NUP93: variants seen among roughly 807,000 people sequenced by gnomAD.
NUP93 encodes nucleoporin 93.
NUP93 carries 55 observed loss-of-function variants against 107.8 expected under a neutral mutation model. That is an observed-to-expected ratio of 0.51 (90% CI 0.41 to 0.64). The LOEUF is 0.64. Among genes scored for constraint, NUP93 ranks in the 30% least tolerant of loss-of-function variants. NUP93 has a pLI of 0.00. For synonymous variants in NUP93, 390 were observed against 397.5 expected (o/e 0.98, Z 0.22); for missense variants, 937 against 1,044.7 (o/e 0.90, Z 1.42).
intron 2 of NUP93, among the ~76,000 whole-genome samples, chr16:56,754,029 G>T (rs563669573): frequency 6.6e-6 from 1 of 151,504 alleles, no homozygotes; most frequent in Non-Finnish European, 1.5e-5. Context: ...TTCACAGGGC[G>T]TACAGGAAGC....
At chr16:56,822,678 G>A (rs188545111) in intron 7 of NUP93, among the ~76,000 whole-genome samples, 49 of 149,952 alleles carry the variant, frequency 3.3e-4, no homozygotes, top group Non-Finnish European at 5.9e-4. Context: ...CTCCTACCTC[G>A]GCCTCCCGAG....
At chr16:56,731,425 A>G (rs1172328593) in intron 1 of NUP93, among the ~76,000 whole-genome samples, 1 of 148,210 alleles carries the variant, frequency 6.7e-6, no homozygotes, top group African/African-American at 2.5e-5. Flanking sequence ...CTTTTGAGAC[A>G]GTCTCCCTCG....
At chr16:56,781,899 G>T in intron 3 of NUP93, 1 of 985,326 alleles carries the variant, frequency 1.0e-6, no homozygotes, top group Non-Finnish European at 1.2e-6. Flanking sequence ...CACAACGAAT[G>T]GTGATGCTGT....
Position 56,834,136 on chromosome 16 carries a change from G to A in NUP93, c.1546G>A (p.Glu516Lys), listed in dbSNP as rs1025198458. 9.9e-6 allele frequency: 16 copies of A among 1,614,016 alleles called. No homozygotes were observed. The highest frequency in any genetic ancestry group is 6.7e-5 in the East Asian group (3 of 44,882). The change falls in exon 14 of 22, where the codon GAG (glutamate) becomes AAG (lysine). Residue 516 changes from glutamate (E) to lysine (K), a missense_variant. Transcript: ENST00000308159. ...TGACCCCCACAATGCAGTCAGCCAC[G>A]AGCCTGGTGACCCTCCTTGCTTGCG... ...SGQSAQLLSHEPGDPPCLRRL... is the reference protein window; with the variant it reads ...SGQSAQLLSHKPGDPPCLRRL...
At chr16:56,777,087 C>G (rs879337180) in intron 3 of NUP93, among the ~76,000 whole-genome samples, 1 of 152,196 alleles carries the variant, frequency 6.6e-6, no homozygotes, top group East Asian at 1.9e-4. Context: ...AGGAAAAGAG[C>G]CTTTCCCATT....
chr16:56,838,921 T>C, intron 18 of NUP93, 31 bp from the exon 19 acceptor site: 1 of 1,480,206 alleles, frequency 6.8e-7, no homozygotes, highest in Non-Finnish European at 9.4e-7. Context: ...TGATACACTC[T>C]TACTACCCCC....
At chr16:56,764,560 T>G (rs1468941015) in intron 3 of NUP93, among the ~76,000 whole-genome samples, 1 of 152,206 alleles carries the variant, frequency 6.6e-6, no homozygotes, top group African/African-American at 2.4e-5. Flanking sequence ...ATTTTTATAG[T>G]CTATCTTTTA....
At chr16:56,830,214 A>G (rs1187268272) in intron 9 of NUP93, among the ~76,000 whole-genome samples, 1 of 152,194 alleles carries the variant, frequency 6.6e-6, no homozygotes, top group Admixed American at 6.5e-5. Context: ...CCCAGTTACT[A>G]TGGGCCCCTG....
chr16:56,809,724 C>T (rs1480042873), intron 5 of NUP93, among the ~76,000 whole-genome samples: 1 of 152,086 alleles, frequency 6.6e-6, no homozygotes, highest in South Asian at 2.1e-4. Context: ...CTGGTTTGTT[C>T]CTGATTTAAA....
chr16:56,838,841 A>G (rs1380312064), intron 18 of NUP93, 111 bp from the exon 19 acceptor site: 8 of 759,512 alleles, frequency 1.1e-5, no homozygotes, highest in Admixed American at 2.2e-5. Flanking sequence ...CTGAGATTAC[A>G]GGCATGAGCG....
intron 3 of NUP93, among the ~76,000 whole-genome samples, chr16:56,792,870 C>T (rs540596268): frequency 6.6e-6 from 1 of 152,142 alleles, no homozygotes; most frequent in African/African-American, 2.4e-5. Context: ...TTTACTCTTC[C>T]CTAAGTATCT....
At chr16:56,755,607 C>CG (rs1962004295) in intron 2 of NUP93, among the ~76,000 whole-genome samples, 1 of 152,010 alleles carries the variant, frequency 6.6e-6, no homozygotes, top group Non-Finnish European at 1.5e-5. Context: ...CAGGCATGGT[C>CG]GCTCACGCCT....
At chr16:56,758,398 T>A (rs1962065277) in intron 2 of NUP93, 140 bp from the exon 3 acceptor site, 1 of 654,360 alleles carries the variant, frequency 1.5e-6, no homozygotes, top group South Asian at 1.7e-5. Context: ...ATAAAACAAC[T>A]ATGTAAAAGT....
chr16:56,811,423 C>T (rs1451491552), intron 5 of NUP93, among the ~76,000 whole-genome samples: 5 of 152,176 alleles, frequency 3.3e-5, no homozygotes, highest in Admixed American at 6.5e-5. Context: ...TAGGAGACTA[C>T]ACAATGTAAA....
chr16:56,810,628 CAGTG>C (rs1963292671), intron 5 of NUP93, among the ~76,000 whole-genome samples: 1 of 152,116 alleles, frequency 6.6e-6, no homozygotes, highest in African/African-American at 2.4e-5. Flanking sequence ...CTGGGCAACA[CAGTG>C]AGACTCTGTC....
intron 3 of NUP93, among the ~76,000 whole-genome samples, chr16:56,788,256 C>T (rs1300494922): frequency 6.6e-6 from 1 of 152,202 alleles, no homozygotes; most frequent in East Asian, 1.9e-4. Context: ...CCTTCCACCA[C>T]AGCCTGGCAC....
In NUP93 at chr16:56,845,676, C is replaced by T. The variant is rs1486120638; in HGVS notation, c.*1067C>T. The T allele has an allele frequency of 6.6e-6, 1 of 152,186 alleles. No individual in the cohort carries two copies. The highest frequency in any genetic ancestry group is 2.4e-5 in the African/African-American group (1 of 41,436). 9.4% of individuals were successfully genotyped at this position (152,186 alleles called of 1,614,324 possible). ...TTGAGACAGTGGGCAGTGGTCTGCTCTGCTGGTTTGATGGACGGCTCCCTG... is the reference window on the plus strand; with the variant it reads ...TTGAGACAGTGGGCAGTGGTCTGCTTTGCTGGTTTGATGGACGGCTCCCTG... On this transcript the variant is annotated 3_prime_UTR_variant, in exon 22 of 22. Coordinates refer to ENST00000308159, the MANE Select transcript of NUP93 (RefSeq NM_014669.5).
At chr16:56,740,173 C>T (rs1208319061) in intron 1 of NUP93, among the ~76,000 whole-genome samples, 3 of 146,788 alleles carry the variant, frequency 2.0e-5, no homozygotes, top group Non-Finnish European at 3.0e-5. Flanking sequence ...GGCGGAGACG[C>T]TCCTCACTTC....
intron 5 of NUP93, among the ~76,000 whole-genome samples, chr16:56,815,417 CT>C (rs1209801374): frequency 6.6e-6 from 1 of 152,114 alleles, no homozygotes; most frequent in Non-Finnish European, 1.5e-5. Flanking sequence ...ATAAAATGCC[CT>C]GGCTGGGGGG....
Sources: gnomAD v4.1 joint callset for allele counts (sites outside exome capture counted in the v4.1 genomes callset) on GRCh38, gnomAD v4.1.1 for gene constraint, MANE v1.5 for transcripts, NCBI Gene and HGNC (gene_info 2026-07-23, HGNC 2026-07-21) for gene names.